Variants in PTPRC observed in about 807,000 individuals in gnomAD.
The protein encoded by PTPRC is protein tyrosine phosphatase receptor type C.
PTPRC carries 44 observed loss-of-function variants against 155.9 expected under a neutral mutation model. The observed-to-expected ratio is 0.28, with a 90% CI of 0.22 to 0.36. The LOEUF (loss-of-function observed/expected upper bound fraction) is 0.36, where lower values mean the gene tolerates loss of function less well. Ranked by LOEUF, PTPRC falls within the 10% of genes least tolerant of loss-of-function variation. The probability of loss-of-function intolerance (pLI) is 1.00; values close to 1 mark genes in which losing one functional copy is unlikely to be tolerated. For missense variants in PTPRC, 1,401 were observed against 1,564.6 expected (o/e 0.90, Z 1.76); for synonymous variants, 525 against 533.1 (o/e 0.98, Z 0.21).
rs946587516 is a variant in PTPRC at position 198,713,215 on chromosome 1, C to T, written c.1291+143C>T. On this transcript the variant is annotated intron_variant, in intron 12 of 32. Coordinates refer to ENST00000442510, the MANE Select transcript of PTPRC (RefSeq NM_002838.5). ...AGTATACTCCCTGATCTTAGAATTG[C>T]TTCCACTCATTCAAAGCTTTCCAGC... 10 of 1,181,974 alleles carry T rather than the reference C, an allele frequency of 8.5e-6. No homozygotes were observed. In the African/African-American group the frequency reaches 1.5e-4, roughly 18 times the overall value. The allele number at this position is 1,181,974 out of a possible 1,614,324, so 73.2% of individuals were successfully genotyped here.
At chr1:198,700,668 A>G (rs1482539487) in intron 5 of PTPRC, among the ~76,000 whole-genome samples, 2 of 152,204 alleles carry the variant, frequency 1.3e-5, no homozygotes, top group African/African-American at 4.8e-5. Flanking sequence ...CTGTAAAACA[A>G]CAAAAGGGGA....
chr1:198,737,194 A>T (rs1654684284), intron 23 of PTPRC, among the ~76,000 whole-genome samples: 1 of 151,664 alleles, frequency 6.6e-6, no homozygotes, highest in Non-Finnish European at 1.5e-5. Flanking sequence ...TTCTAACTTG[A>T]TGTAATTCTA....
chr1:198,713,367 G>T (rs535733354), intron 12 of PTPRC, among the ~76,000 whole-genome samples: 102 of 152,194 alleles, frequency 6.7e-4, no homozygotes, highest in African/African-American at 2.4e-3. Flanking sequence ...TTTCTGTCTT[G>T]CAAGTATTAT....
chr1:198,712,914 T>C, intron 11 of PTPRC, 39 bp from the exon 12 acceptor site: 2 of 1,581,172 alleles, frequency 1.3e-6, no homozygotes, highest in Middle Eastern at 1.7e-4. Flanking sequence ...ATCCATGTCT[T>C]ATTTTTCATA....
intron 2 of PTPRC, among the ~76,000 whole-genome samples, chr1:198,671,131 T>A (rs28617361): frequency 0.016 from 2,378 of 150,116 alleles, 57 homozygotes; most frequent in African/African-American, 0.053. Context: ...AAAAAAAAAA[T>A]TTTTCTAGCC....
At chr1:198,695,255 C>T in intron 3 of PTPRC, 8 of 843,380 alleles carry the variant, frequency 9.5e-6, no homozygotes, top group Non-Finnish European at 1.1e-5. Flanking sequence ...TACTCCTTTT[C>T]TAGTTTCTCT....
In PTPRC at chr1:198,709,676, C is replaced by A. The variant is rs770407220; in HGVS notation, c.1034-11C>A. ...ATCGATATATTCATTCGAAATATTT[C>A]TTTATTTCAGGTAATATGATATTTG... On this transcript the variant is annotated splice_polypyrimidine_tract_variant and intron_variant, in intron 10 of 32. Coordinates refer to ENST00000442510, the MANE Select transcript of PTPRC (RefSeq NM_002838.5). The A allele has an allele frequency of 4.6e-6, 7 of 1,537,340 alleles. No individual in the cohort carries two copies. The highest frequency in any genetic ancestry group is 6.2e-6 in the Non-Finnish European group (7 of 1,124,632).
Position 198,756,264 on chromosome 1 carries a change from T to C in PTPRC, c.*83T>C, listed in dbSNP as rs1378384820. ...TAGAAGTAGGAAGTGAAAATAGGTATACAGTGGATTAATTAAATGCAGCGA... is the reference window on the plus strand; with the variant it reads ...TAGAAGTAGGAAGTGAAAATAGGTACACAGTGGATTAATTAAATGCAGCGA... On this transcript the variant is annotated 3_prime_UTR_variant, in exon 33 of 33. Coordinates refer to ENST00000442510, the MANE Select transcript of PTPRC (RefSeq NM_002838.5). The C allele has an allele frequency of 1.3e-6, 2 of 1,514,142 alleles. No homozygotes were observed. Among genetic ancestry groups the C allele is most frequent in the East Asian group, 2.3e-5 (1 of 43,028 alleles). 93.8% of individuals were successfully genotyped at this position (1,514,142 alleles called of 1,614,324 possible).
intron 14 of PTPRC, among the ~76,000 whole-genome samples, chr1:198,718,775 G>A (rs188318845): frequency 1.1e-4 from 16 of 152,134 alleles, no homozygotes; most frequent in South Asian, 8.3e-4. Context: ...TCTACTGATC[G>A]TATTTTGTAC....
Position 198,671,134 on chromosome 1 carries a change from T to C in PTPRC, c.74-21213T>C, listed in dbSNP as rs181749272. On this transcript the variant is annotated intron_variant, in intron 2 of 32. Coordinates refer to ENST00000442510, the MANE Select transcript of PTPRC (RefSeq NM_002838.5). Reference sequence around the variant, plus strand: ...TTTGAAATGTAAAAAAAAAAAATTTTTCTAGCCTCCCAGTCTACACTCTCA... The same window carrying C: ...TTTGAAATGTAAAAAAAAAAAATTTCTCTAGCCTCCCAGTCTACACTCTCA... Among the ~76,000 whole-genome samples the C allele has an allele frequency of 3.9e-3, 584 of 149,902 alleles. 3 individuals carry two copies. Among genetic ancestry groups the C allele is most frequent in the African/African-American group, 0.013 (553 of 41,012 alleles).
rs1363534312 is a variant in PTPRC, at chr1:198,752,730, G to T, written c.3467G>T (p.Gly1156Val). The T allele has an allele frequency of 1.9e-6, 3 of 1,612,740 alleles. No individual in the cohort carries two copies. Among genetic ancestry groups the T allele is most frequent in the Non-Finnish European group, 2.5e-6 (3 of 1,179,324 alleles). ...QKLPQKNSSE[G>V]NKHHKSTPLL... ...CTTCCCCAGAAGAATTCCTCTGAAG[G>T]GAACAAGCATCACAAGAGTACACCT... The change falls in exon 31 of 33, where the codon GGG becomes GTG. Residue 1156 changes from glycine to valine, a missense_variant. Gly to Val is a moderately radical substitution (Grantham distance 109, BLOSUM62 -3). This residue lies in a region of PTPRC where 400 missense variants were observed against 389.5 expected (regional missense o/e 1.03). Transcript: ENST00000442510.
At chr1:198,716,203 A>G (rs1653578080) in intron 12 of PTPRC, among the ~76,000 whole-genome samples, 1 of 152,220 alleles carries the variant, frequency 6.6e-6, no homozygotes, top group Non-Finnish European at 1.5e-5. Flanking sequence ...CCAAATTACT[A>G]TGATAGAATC....
At chr1:198,651,694 T>A (rs1663261241) in intron 2 of PTPRC, among the ~76,000 whole-genome samples, 1 of 151,918 alleles carries the variant, frequency 6.6e-6, no homozygotes, top group Non-Finnish European at 1.5e-5. Flanking sequence ...GTCTAGCTTA[T>A]ACTTGTCTTT....
Position 198,722,713 on chromosome 1 carries a change from TAA to T in PTPRC, c.1720+238_1720+239del, listed in dbSNP as rs10531214. ...AATTATTAAAGGTTTGTTGAATTCATAAGAGGATTTATATACCCAAACTATTA... is the reference window on the plus strand; with the variant it reads ...AATTATTAAAGGTTTGTTGAATTCATGAGGATTTATATACCCAAACTATTA... On this transcript the variant is annotated intron_variant, in intron 15 of 32. Coordinates refer to ENST00000442510, the MANE Select transcript of PTPRC (RefSeq NM_002838.5). Among the ~76,000 whole-genome samples, 18,106 of 151,746 alleles carry T rather than the reference TAA, an allele frequency of 0.12. 1,304 individuals carry two copies. Among genetic ancestry groups the T allele is most frequent in the East Asian group, 0.26 (1,328 of 5,170 alleles).
rs774612719 is a variant in PTPRC at position 198,741,984 on chromosome 1, C to T, written c.2519C>T (p.Ala840Val). ...CTCAAACTGAGAAGGAGAGTGAATGCCTTCAGCAATTTCTTCAGTGGTCCC... is the reference window on the plus strand; with the variant it reads ...CTCAAACTGAGAAGGAGAGTGAATGTCTTCAGCAATTTCTTCAGTGGTCCC... The part of the protein sequence containing the change: ...LLLKLRRRVN[A>V]FSNFFSGPIV... Residue 840 changes from alanine to valine, a missense_variant, in exon 24 of 33, where the codon GCC becomes GTC. Transcript: ENST00000442510. The T allele has an allele frequency of 1.4e-5, 23 of 1,611,856 alleles. No homozygotes were observed. The highest frequency in any genetic ancestry group is 1.9e-5 in the Non-Finnish European group (22 of 1,178,976).
chr1:198,755,510 T>C (rs1406868501), intron 32 of PTPRC, among the ~76,000 whole-genome samples: 2 of 152,044 alleles, frequency 1.3e-5, no homozygotes, highest in African/African-American at 4.8e-5. Context: ...AAGAAGAACA[T>C]GAATGAGGGC....
intron 14 of PTPRC, among the ~76,000 whole-genome samples, chr1:198,719,594 T>TTTTG (rs935790074): frequency 4.6e-5 from 7 of 151,576 alleles, no homozygotes; most frequent in Non-Finnish European, 1.0e-4. Context: ...TTTTGTTTTG[T>TTTTG]TTTGTTTGTT....
intron 31 of PTPRC, among the ~76,000 whole-genome samples, chr1:198,753,514 C>A (rs1286216319): frequency 6.6e-6 from 1 of 151,694 alleles, no homozygotes; most frequent in Non-Finnish European, 1.5e-5. Context: ...TTGAAAAAGT[C>A]TAATTGTTAT....
intron 15 of PTPRC, among the ~76,000 whole-genome samples, chr1:198,726,079 T>C (rs75339122): frequency 0.092 from 14,045 of 152,252 alleles, 851 homozygotes; most frequent in Non-Finnish European, 0.13. Flanking sequence ...TTGAGAAAAG[T>C]CTGATGCTGC....
Sources: allele counts gnomAD v4.1 joint callset (sites outside exome capture counted in the v4.1 genomes callset), GRCh38; gene constraint gnomAD v4.1.1; regional missense constraint gnomAD v4.1.1; transcripts MANE v1.5; gene names NCBI Gene and HGNC (gene_info 2026-07-23, HGNC 2026-07-21).